EFCAB5: variants seen among roughly 807,000 people sequenced by gnomAD.
EFCAB5 encodes EF-hand calcium binding domain 5, also known as EF-hand calcium-binding domain-containing protein 5.
In EFCAB5, 131 loss-of-function variants were observed where a neutral mutation model predicts 167.9. The ratio of observed to expected loss-of-function variants is 0.78; its 90% CI spans 0.68 to 0.90. The LOEUF (loss-of-function observed/expected upper bound fraction) is 0.90. Ranked by LOEUF, EFCAB5 falls within the 40% of genes least tolerant of loss-of-function variation. EFCAB5 has a pLI of 0.00. For missense variants in EFCAB5, 1,663 were observed against 1,745.2 expected (o/e 0.95, Z 0.84); for synonymous variants, 574 against 602.8 (o/e 0.95, Z 0.70).
At chr17:29,970,669 T>TACACAC (rs1220247152) in intron 4 of EFCAB5, among the ~76,000 whole-genome samples, 6,378 of 58,608 alleles carry the variant, frequency 0.11, 215 homozygotes, top group African/African-American at 0.16. Context: ...CACACACACA[T>TACACAC]ACACACACAC....
chr17:29,932,790 A>G (rs1308247418), intron 1 of EFCAB5, among the ~76,000 whole-genome samples: 4 of 152,076 alleles, frequency 2.6e-5, no homozygotes, highest in African/African-American at 9.7e-5. Context: ...GAAGTAGATT[A>G]GTGGTCAAGA....
Position 29,977,887 on chromosome 17 carries a change from A to T in EFCAB5, c.767+8520A>T, listed in dbSNP as rs1259447370. 2.6e-5 allele frequency among the ~76,000 whole-genome samples: 4 copies of T among 152,078 alleles called. No individual in the cohort carries two copies. The East Asian group carries it at 7.7e-4, about 29-fold the overall frequency. The stretch of plus-strand genomic sequence containing the variant: ...TGTAGTGTTCAAAGAATTTATGTAA[A>T]CTATGTGACAAAAATCTATTGTGTG... On this transcript the variant is annotated intron_variant, in intron 4 of 22. Coordinates refer to ENST00000394835, the MANE Select transcript of EFCAB5 (RefSeq NM_198529.4).
Position 29,968,782 on chromosome 17 carries a change from TC to T in EFCAB5, c.191-5del. 1.4e-6 allele frequency: 2 copies of T among 1,454,254 alleles called. No individual in the cohort carries two copies. The highest frequency in any genetic ancestry group is 1.8e-6 in the Non-Finnish European group (2 of 1,102,364). The allele number at this position is 1,454,254 out of a possible 1,614,324, so 90.1% of individuals were successfully genotyped here. Reference sequence around the variant, plus strand: ...ACATTTCTTACATTTCACTTTTTTTTCCCCTCAGAATTAAACCTGGAGGGGC... The same window carrying T: ...ACATTTCTTACATTTCACTTTTTTTTCCCTCAGAATTAAACCTGGAGGGGC... On this transcript the variant is annotated splice_region_variant and splice_polypyrimidine_tract_variant and intron_variant, in intron 3 of 22. Coordinates refer to ENST00000394835, the MANE Select transcript of EFCAB5 (RefSeq NM_198529.4).
At chr17:29,976,557 T>C (rs2068067348) in intron 4 of EFCAB5, among the ~76,000 whole-genome samples, 2 of 152,184 alleles carry the variant, frequency 1.3e-5, no homozygotes, top group African/African-American at 4.8e-5. Flanking sequence ...ACTTAAAGCT[T>C]ATATACCCAG....
At chr17:29,972,420 A>T (rs1236568003) in intron 4 of EFCAB5, 1 of 152,064 alleles carries the variant, frequency 6.6e-6, no homozygotes, top group Admixed American at 6.6e-5. Flanking sequence ...AGGAGTGCTC[A>T]TAAATATTGT....
intron 22 of EFCAB5, among the ~76,000 whole-genome samples, chr17:30,098,172 G>A (rs1237256578): frequency 2.0e-5 from 3 of 151,666 alleles, no homozygotes; most frequent in African/African-American, 4.8e-5. Flanking sequence ...TGACCTCAAG[G>A]GATTCTCCCA....
intron 3 of EFCAB5, among the ~76,000 whole-genome samples, chr17:29,944,725 G>A (rs2151520018): frequency 6.6e-6 from 1 of 150,892 alleles, no homozygotes; most frequent in Admixed American, 6.6e-5. Flanking sequence ...CCGGGTTCAA[G>A]CGATTCTCCA....
rs546185012 is a variant in EFCAB5 at position 30,009,722 on chromosome 17, A to T, written c.1044+9746A>T. 5.3e-5 allele frequency among the ~76,000 whole-genome samples: 8 copies of T among 152,112 alleles called. No individual in the cohort carries two copies. In the South Asian group the frequency reaches 1.7e-3, roughly 32 times the overall value. On this transcript the variant is annotated intron_variant, in intron 7 of 22. Transcript: ENST00000394835. ...TTTGTGCCTAAGTTTTTACATGAATATGTGTTTTCTGTTCTCTTGGGAGTG... is the reference window on the plus strand; with the variant it reads ...TTTGTGCCTAAGTTTTTACATGAATTTGTGTTTTCTGTTCTCTTGGGAGTG...
chr17:30,075,934 G>A (rs1259586242), intron 14 of EFCAB5, among the ~76,000 whole-genome samples: 1 of 152,208 alleles, frequency 6.6e-6, no homozygotes, highest in Non-Finnish European at 1.5e-5. Context: ...AATCCACAAG[G>A]CACTTTTAAT....
At chr17:30,073,439 T>C (rs993638192) in intron 14 of EFCAB5, among the ~76,000 whole-genome samples, 4 of 152,148 alleles carry the variant, frequency 2.6e-5, no homozygotes, top group African/African-American at 9.7e-5. Context: ...ACAACATAAA[T>C]TCTATCATTA....
At chr17:30,033,912 C>A (rs2069548186) in intron 7 of EFCAB5, among the ~76,000 whole-genome samples, 1 of 152,150 alleles carries the variant, frequency 6.6e-6, no homozygotes, top group Non-Finnish European at 1.5e-5. Context: ...TTGCAGGTAG[C>A]ATTTTACAGG....
chr17:30,017,163 C>T (rs781115205), intron 7 of EFCAB5, among the ~76,000 whole-genome samples: 8 of 151,256 alleles, frequency 5.3e-5, no homozygotes, highest in Admixed American at 1.3e-4. Flanking sequence ...GGTGACAGAG[C>T]GAGAACGTGT....
intron 10 of EFCAB5, among the ~76,000 whole-genome samples, chr17:30,055,389 G>A (rs766932973): frequency 2.6e-5 from 4 of 151,350 alleles, no homozygotes; most frequent in African/African-American, 7.3e-5. Flanking sequence ...AGGAAGGTTC[G>A]TTCTCAACTT....
intron 7 of EFCAB5, among the ~76,000 whole-genome samples, chr17:30,018,223 G>A (rs1229197792): frequency 6.7e-6 from 1 of 149,244 alleles, no homozygotes; most frequent in Non-Finnish European, 1.5e-5. Flanking sequence ...ATTTTAATTA[G>A]TTCAAAAAAT....
chr17:30,012,780 C>T (rs1030403999), intron 7 of EFCAB5, among the ~76,000 whole-genome samples: 2 of 151,964 alleles, frequency 1.3e-5, no homozygotes, highest in African/African-American at 2.4e-5. Context: ...CTGGTCCCTA[C>T]AGAATACCTT....
chr17:30,065,036 C>T (rs1333788179), intron 14 of EFCAB5, among the ~76,000 whole-genome samples: 1 of 152,120 alleles, frequency 6.6e-6, no homozygotes, highest in Non-Finnish European at 1.5e-5. Flanking sequence ...AAATTATCAC[C>T]ACTAAACCGG....
chr17:30,009,909 C>G (rs746759088), intron 7 of EFCAB5, among the ~76,000 whole-genome samples: 1 of 151,938 alleles, frequency 6.6e-6, no homozygotes, highest in Non-Finnish European at 1.5e-5. Context: ...TTTGCTGCAC[C>G]CATTAACTCG....
chr17:30,102,351 T>C (rs192347676), intron 22 of EFCAB5, among the ~76,000 whole-genome samples: 1 of 152,114 alleles, frequency 6.6e-6, no homozygotes, highest in Non-Finnish European at 1.5e-5. Flanking sequence ...CTATCATTGG[T>C]TTTATGTCTT....
At chr17:30,075,991 G>A (rs908738786) in intron 14 of EFCAB5, among the ~76,000 whole-genome samples, 1 of 152,196 alleles carries the variant, frequency 6.6e-6, no homozygotes, top group African/African-American at 2.4e-5. Context: ...TCAAGTAAGA[G>A]AGAACACAAC....
Sources: gnomAD v4.1 joint callset for allele counts (sites outside exome capture counted in the v4.1 genomes callset) on GRCh38, gnomAD v4.1.1 for gene constraint, MANE v1.5 for transcripts, NCBI Gene and HGNC (gene_info 2026-07-23, HGNC 2026-07-21) for gene names.